WWOX: variants seen among roughly 807,000 people sequenced by gnomAD.
The protein encoded by WWOX is WW domain containing oxidoreductase, also known as WW domain-containing oxidoreductase.
Under a neutral mutation model 46.2 loss-of-function variants are expected in WWOX, and 69 were observed. The observed-to-expected ratio is 1.49, with a 90% CI of 1.23 to 1.82. WWOX has a LOEUF of 1.82. WWOX is among the 40% of genes most tolerant of loss of function. The pLI is 0.00. For synonymous variants in WWOX, 359 were observed against 202.6 expected (o/e 1.77, Z -6.56); for missense variants, 919 against 542.6 (o/e 1.69, Z -6.89).
At chr16:78,977,331 C>T (rs184428532) in intron 8 of WWOX, among the ~76,000 whole-genome samples, 13 of 152,254 alleles carry the variant, frequency 8.5e-5, no homozygotes, top group Non-Finnish European at 4.4e-5. Context: ...TTTGGATCCT[C>T]CAGAGGCCTG....
chr16:79,113,751 C>A (rs1042258438), intron 8 of WWOX, among the ~76,000 whole-genome samples: 1 of 152,144 alleles, frequency 6.6e-6, no homozygotes, highest in African/African-American at 2.4e-5. Context: ...ACTTTTCACC[C>A]GAGGAGGGGA....
At chr16:78,775,608 C>T (rs2050170508) in intron 8 of WWOX, among the ~76,000 whole-genome samples, 1 of 152,224 alleles carries the variant, frequency 6.6e-6, no homozygotes, top group Non-Finnish European at 1.5e-5. Flanking sequence ...CCTCTCCCCA[C>T]AACTTCACCC....
At chr16:78,424,212 G>A (rs1354782539) in intron 6 of WWOX, among the ~76,000 whole-genome samples, 3 of 149,546 alleles carry the variant, frequency 2.0e-5, no homozygotes, top group South Asian at 2.1e-4. Context: ...CTGCCTCCTG[G>A]GTTCAAGTGA....
chr16:79,060,252 A>G (rs748063798), intron 8 of WWOX, among the ~76,000 whole-genome samples: 27 of 152,220 alleles, frequency 1.8e-4, no homozygotes, highest in Non-Finnish European at 3.2e-4. Context: ...GTTTCCAAAA[A>G]TAGTTTTGGA....
At chr16:78,339,023 G>C (rs1465843046) in intron 5 of WWOX, among the ~76,000 whole-genome samples, 1 of 119,842 alleles carries the variant, frequency 8.3e-6, no homozygotes, top group Non-Finnish European at 2.0e-5. Context: ...TCTAGTCTTA[G>C]ATATTATCTG....
At chr16:78,600,747 TGA>T (rs1035378553) in intron 8 of WWOX, among the ~76,000 whole-genome samples, 26 of 152,348 alleles carry the variant, frequency 1.7e-4, no homozygotes, top group African/African-American at 6.0e-4. Context: ...GTCTGGACAC[TGA>T]GAGAATTCTA....
chr16:78,354,653 A>C (rs1177350404), intron 5 of WWOX, among the ~76,000 whole-genome samples: 2 of 152,064 alleles, frequency 1.3e-5, no homozygotes, highest in East Asian at 1.9e-4. Context: ...TGCCTGATAA[A>C]TAGTTGGATT....
chr16:79,025,592 G>C (rs554873335), intron 8 of WWOX, among the ~76,000 whole-genome samples: 25 of 152,220 alleles, frequency 1.6e-4, no homozygotes, highest in East Asian at 1.2e-3. Flanking sequence ...GTTCTCCTCA[G>C]AGCCCCCAGA....
In WWOX at chr16:78,231,952, A is replaced by T. The variant is rs548394086; in HGVS notation, c.516+67663A>T. ...CAGTGTTTTTATTTAATCATTCAGT[A>T]AGTCTTGACTGCCTGCTATGGAGGT... On this transcript the variant is annotated intron_variant, in intron 5 of 8. Coordinates refer to ENST00000566780, the MANE Select transcript of WWOX (RefSeq NM_016373.4). 2.0e-4 allele frequency among the ~76,000 whole-genome samples: 31 copies of T among 152,230 alleles called. 1 individual carries two copies. The highest frequency in any genetic ancestry group is 7.5e-4 in the African/African-American group (31 of 41,534).
intron 8 of WWOX, among the ~76,000 whole-genome samples, chr16:78,481,356 G>C (rs565089784): frequency 4.9e-4 from 74 of 152,206 alleles, no homozygotes; most frequent in Non-Finnish European, 9.6e-4. Flanking sequence ...GGTCTACTCT[G>C]TTTATCCTCT....
rs562440384 is a variant in WWOX at position 78,883,463 on chromosome 16, C to T, written c.1057-328145C>T. Among the ~76,000 whole-genome samples, 15 of 152,272 alleles carry T rather than the reference C, an allele frequency of 9.9e-5. No homozygotes were observed. The East Asian group carries it at 2.9e-3, about 29-fold the overall frequency. The stretch of plus-strand genomic sequence containing the variant: ...CATGGGCTGGGCATGGTGGCTTATG[C>T]CCGAAATCCCAGCATTGCGGGAGGC... On this transcript the variant is annotated intron_variant, in intron 8 of 8. Transcript: ENST00000566780.
intron 8 of WWOX, among the ~76,000 whole-genome samples, chr16:78,585,391 C>G (rs184387598): frequency 5.3e-5 from 8 of 152,248 alleles, no homozygotes; most frequent in African/African-American, 1.9e-4. Context: ...CTTTGGGGAT[C>G]GGCCACTTAC....
intron 6 of WWOX, among the ~76,000 whole-genome samples, chr16:78,407,834 T>G (rs902098594): frequency 6.6e-6 from 1 of 152,220 alleles, no homozygotes; most frequent in African/African-American, 2.4e-5. Flanking sequence ...TACCACATCT[T>G]GAGTCTGGGC....
chr16:78,701,100 CTAGTGA>C (rs1304406815), intron 8 of WWOX, among the ~76,000 whole-genome samples: 1 of 151,996 alleles, frequency 6.6e-6, no homozygotes, highest in Non-Finnish European at 1.5e-5. Flanking sequence ...TAAAGGTGGG[CTAGTGA>C]TAGTTACCTC....
At chr16:78,163,212 A>T (rs767715274) in intron 4 of WWOX, among the ~76,000 whole-genome samples, 1 of 152,202 alleles carries the variant, frequency 6.6e-6, no homozygotes, top group African/African-American at 2.4e-5. Flanking sequence ...GAGACTCTAG[A>T]TAATGGTATC....
chr16:78,999,298 C>G (rs2047049280), intron 8 of WWOX, among the ~76,000 whole-genome samples: 2 of 152,034 alleles, frequency 1.3e-5, no homozygotes, highest in African/African-American at 4.8e-5. Context: ...TGGAGAAACC[C>G]CGTCTCTACT....
At chr16:78,790,731 C>A (rs1220951718) in intron 8 of WWOX, among the ~76,000 whole-genome samples, 1 of 152,026 alleles carries the variant, frequency 6.6e-6, no homozygotes, top group Non-Finnish European at 1.5e-5. Flanking sequence ...AGTAACATCT[C>A]ACTGTTGGCT....
intron 8 of WWOX, among the ~76,000 whole-genome samples, chr16:78,719,455 A>G (rs868474813): frequency 3.3e-5 from 5 of 152,388 alleles, no homozygotes; most frequent in African/African-American, 9.6e-5. Flanking sequence ...TCACATGTGC[A>G]CTGAAAAAGT....
intron 5 of WWOX, among the ~76,000 whole-genome samples, chr16:78,345,606 C>T (rs1352173440): frequency 1.1e-5 from 1 of 89,406 alleles, no homozygotes; most frequent in Non-Finnish European, 2.5e-5. Context: ...TGTCTCTACA[C>T]CTCAGTCTGG....
Sources: allele counts gnomAD v4.1 joint callset (sites outside exome capture counted in the v4.1 genomes callset), GRCh38; gene constraint gnomAD v4.1.1; transcripts MANE v1.5; gene names NCBI Gene and HGNC (gene_info 2026-07-23, HGNC 2026-07-21).